Variants in NAALADL2 observed in about 807,000 individuals in gnomAD.
NAALADL2 encodes inactive N-acetylated-alpha-linked acidic dipeptidase-like protein 2.
A neutral mutation model predicts 87.2 loss-of-function variants in NAALADL2; 76 were observed. The observed-to-expected ratio is 0.87, with a 90% CI of 0.72 to 1.05. The LOEUF (loss-of-function observed/expected upper bound fraction) is 1.05, where lower values mean the gene tolerates loss of function less well. Among genes scored for constraint, NAALADL2 ranks in the 50% least tolerant of loss-of-function variants. The pLI is 0.00. For missense variants in NAALADL2, 1,089 were observed against 945.8 expected (o/e 1.15, Z -1.99); for synonymous variants, 354 against 331.0 (o/e 1.07, Z -0.75).
chr3:174,856,253 G>T (rs1287881191), upstream of NAALADL2, among the ~76,000 whole-genome samples: 1 of 152,002 alleles, frequency 6.6e-6, no homozygotes, highest in Non-Finnish European at 1.5e-5. Flanking sequence ...CGATCCTTCT[G>T]CCTCAGCCTC....
chr3:174,511,882 GAAT>G (rs1719619046), intron 1 of NAALADL2, among the ~76,000 whole-genome samples: 1 of 151,896 alleles, frequency 6.6e-6, no homozygotes, highest in South Asian at 2.1e-4. Flanking sequence ...GTTTACCACC[GAAT>G]AATGTTATTT....
At chr3:174,590,873 G>A (rs141184449) in intron 2 of NAALADL2, among the ~76,000 whole-genome samples, 12 of 151,832 alleles carry the variant, frequency 7.9e-5, no homozygotes, top group East Asian at 7.7e-4. Context: ...TAGCTATTTC[G>A]GTGAAATGAA....
chr3:175,013,272 T>TAA (rs1560476005), intron 1 of NAALADL2, among the ~76,000 whole-genome samples: 5 of 96,340 alleles, frequency 5.2e-5, no homozygotes, highest in African/African-American at 2.5e-4. Flanking sequence ...TATTTTTATA[T>TAA]ATATACATAT....
intron 7 of NAALADL2, among the ~76,000 whole-genome samples, chr3:175,465,622 G>A (rs1294980780): frequency 3.3e-5 from 5 of 151,800 alleles, no homozygotes; most frequent in African/African-American, 7.3e-5. Context: ...ACAGGTGCCC[G>A]CCACCAAGCC....
intron 2 of NAALADL2, among the ~76,000 whole-genome samples, chr3:174,736,969 C>T (rs1287948732): frequency 6.6e-6 from 1 of 152,188 alleles, no homozygotes; most frequent in Non-Finnish European, 1.5e-5. Context: ...CCTGCGCACA[C>T]CCAGCCAGGT....
intron 2 of NAALADL2, among the ~76,000 whole-genome samples, chr3:175,169,088 G>A (rs139361487): frequency 6.6e-6 from 1 of 150,812 alleles, no homozygotes; most frequent in Non-Finnish European, 1.5e-5. Flanking sequence ...TGACATTTTA[G>A]CTGATCTTCA....
chr3:174,709,981 TAGC>T (rs1202214441), intron 2 of NAALADL2, among the ~76,000 whole-genome samples: 1 of 152,216 alleles, frequency 6.6e-6, no homozygotes, highest in Non-Finnish European at 1.5e-5. Flanking sequence ...TGTTTATAAA[TAGC>T]AGAGAATGTG....
At chr3:175,452,841 G>A (rs565480214) in intron 6 of NAALADL2, among the ~76,000 whole-genome samples, 1 of 152,146 alleles carries the variant, frequency 6.6e-6, no homozygotes, top group Admixed American at 6.6e-5. Flanking sequence ...AATGGAGTGA[G>A]CGTAGGGGGG....
intron 3 of NAALADL2, among the ~76,000 whole-genome samples, chr3:174,814,106 TTTTTATTTATTTA>T (rs1720520086): frequency 6.6e-6 from 1 of 151,814 alleles, no homozygotes; most frequent in Non-Finnish European, 1.5e-5. Flanking sequence ...TATTTATTTA[TTTTTATTTATTTA>T]TTTTTTTGAG....
chr3:175,105,229 G>T (rs1169863070), intron 2 of NAALADL2, among the ~76,000 whole-genome samples: 2 of 151,874 alleles, frequency 1.3e-5, no homozygotes, highest in African/African-American at 2.4e-5. Flanking sequence ...CCATTTTGTT[G>T]GCATGAATCA....
At chr3:174,695,315 C>A (rs1728920295) in intron 2 of NAALADL2, among the ~76,000 whole-genome samples, 1 of 151,950 alleles carries the variant, frequency 6.6e-6, no homozygotes, top group Admixed American at 6.6e-5. Flanking sequence ...TACTTAGAAC[C>A]ACCAATGGCA....
chr3:174,806,394 A>G (rs1488371826), intron 3 of NAALADL2, among the ~76,000 whole-genome samples: 3 of 152,170 alleles, frequency 2.0e-5, no homozygotes, highest in African/African-American at 7.2e-5. Context: ...AAGTCGGTCA[A>G]TGGATGTGGG....
intron 1 of NAALADL2, among the ~76,000 whole-genome samples, chr3:174,913,415 TACTGTTAA>T (rs1046543102): frequency 3.3e-5 from 5 of 152,260 alleles, no homozygotes; most frequent in Admixed American, 1.3e-4. Context: ...AAACCGTGTT[TACTGTTAA>T]TTTGTCTTTT....
At chr3:175,301,772 A>G (rs1187562548) in intron 4 of NAALADL2, among the ~76,000 whole-genome samples, 2 of 152,230 alleles carry the variant, frequency 1.3e-5, no homozygotes, top group African/African-American at 4.8e-5. Flanking sequence ...AAGTAACACC[A>G]GTAACAGTGG....
At chr3:175,049,809 A>G (rs1265158921) in intron 1 of NAALADL2, among the ~76,000 whole-genome samples, 1 of 152,220 alleles carries the variant, frequency 6.6e-6, no homozygotes, top group African/African-American at 2.4e-5. Flanking sequence ...GTAATAGAGG[A>G]AGACAAGAGA....
intron 11 of NAALADL2, among the ~76,000 whole-genome samples, chr3:175,667,233 A>AAGAAAGAAAGAAAGAAAG (rs1553945341): frequency 1.9e-4 from 21 of 110,238 alleles, no homozygotes; most frequent in Admixed American, 3.2e-4. Flanking sequence ...GAAAGAAAGA[A>AAGAAAGAAAGAAAGAAAG]AGAAAGAAAA....
chr3:175,759,790 C>T (rs1429293563), intron 13 of NAALADL2, among the ~76,000 whole-genome samples: 1 of 151,932 alleles, frequency 6.6e-6, no homozygotes. Context: ...GTGGTGTGCT[C>T]GAGAGTGAAG....
intron 2 of NAALADL2, among the ~76,000 whole-genome samples, chr3:175,179,306 G>A (rs1324347016): frequency 6.6e-6 from 1 of 151,904 alleles, no homozygotes; most frequent in African/African-American, 2.4e-5. Flanking sequence ...ATAAATATTA[G>A]GTGAATGAAT....
intron 2 of NAALADL2, among the ~76,000 whole-genome samples, chr3:175,211,572 C>G (rs1262771138): frequency 6.6e-6 from 1 of 151,938 alleles, no homozygotes; most frequent in Non-Finnish European, 1.5e-5. Context: ...GCCATTCCTA[C>G]AGATTCCTAA....
Sources: allele counts gnomAD v4.1 joint callset (sites outside exome capture counted in the v4.1 genomes callset), GRCh38; gene constraint gnomAD v4.1.1; transcripts MANE v1.5; gene names NCBI Gene and HGNC (gene_info 2026-07-23, HGNC 2026-07-21).